The following WDR70 variants were observed in gnomAD, a reference collection of about 807,000 sequenced individuals.
The protein encoded by WDR70 is WD repeat-containing protein 70.
WDR70 carries 53 observed loss-of-function variants against 88.6 expected under a neutral mutation model. That is an observed-to-expected ratio of 0.60 (90% CI 0.48 to 0.75). WDR70 has a LOEUF of 0.75. Among genes scored for constraint, WDR70 ranks in the 30% least tolerant of loss-of-function variants. The pLI, the probability that WDR70 is intolerant of heterozygous loss-of-function variation, is 0.00. For synonymous variants in WDR70, 280 were observed against 270.0 expected (o/e 1.04, Z -0.36); for missense variants, 610 against 823.2 (o/e 0.74, Z 3.17).
At chr5:37,625,509 T>G (rs1383632108) in intron 10 of WDR70, among the ~76,000 whole-genome samples, 1 of 152,010 alleles carries the variant, frequency 6.6e-6, no homozygotes, top group Non-Finnish European at 1.5e-5. Context: ...TTTGCCCATA[T>G]TTTTTGTTGT....
intron 8 of WDR70, among the ~76,000 whole-genome samples, chr5:37,484,499 G>C (rs567822073): frequency 6.6e-6 from 1 of 152,296 alleles, no homozygotes; most frequent in Admixed American, 6.5e-5. Flanking sequence ...AGCCGAGATG[G>C]CAGCAGTACA....
At chr5:37,451,959 A>G (rs1290060729) in intron 7 of WDR70, among the ~76,000 whole-genome samples, 1 of 152,090 alleles carries the variant, frequency 6.6e-6, no homozygotes, top group Non-Finnish European at 1.5e-5. Flanking sequence ...GCGCCACTAC[A>G]CTCCAGCCTG....
At chr5:37,657,115 C>T (rs1745576373) in intron 10 of WDR70, among the ~76,000 whole-genome samples, 1 of 152,100 alleles carries the variant, frequency 6.6e-6, no homozygotes, top group Admixed American at 6.5e-5. Context: ...AAACTTAGGG[C>T]CCTGGTGTTG....
chr5:37,668,665 A>T (rs549243196), intron 10 of WDR70, among the ~76,000 whole-genome samples: 5 of 152,342 alleles, frequency 3.3e-5, no homozygotes, highest in African/African-American at 1.2e-4. Context: ...GTGGCATCAT[A>T]TTCTGCCTGT....
At chr5:37,394,088 C>T (rs951370429) in intron 4 of WDR70, among the ~76,000 whole-genome samples, 8 of 151,968 alleles carry the variant, frequency 5.3e-5, no homozygotes, top group African/African-American at 1.4e-4. Context: ...GGGTGGATCA[C>T]GAGGTCAGGA....
chr5:37,509,100 G>A (rs1463153364), intron 8 of WDR70, among the ~76,000 whole-genome samples: 1 of 151,922 alleles, frequency 6.6e-6, no homozygotes, highest in Non-Finnish European at 1.5e-5. Context: ...GGTAATTTGT[G>A]TCTTCTCTCT....
chr5:37,431,575 CAT>C (rs1750304398), intron 5 of WDR70, among the ~76,000 whole-genome samples: 1 of 152,270 alleles, frequency 6.6e-6, no homozygotes, highest in Admixed American at 6.5e-5. Flanking sequence ...AAACACATAA[CAT>C]AAAGTTTACC....
chr5:37,465,383 G>A (rs994838092), intron 7 of WDR70, among the ~76,000 whole-genome samples: 1 of 152,104 alleles, frequency 6.6e-6, no homozygotes, highest in Non-Finnish European at 1.5e-5. Flanking sequence ...AATTTTCTTG[G>A]CCATTGAAAT....
intron 8 of WDR70, among the ~76,000 whole-genome samples, chr5:37,493,872 G>T (rs897798924): frequency 6.7e-6 from 1 of 149,070 alleles, no homozygotes; most frequent in Non-Finnish European, 1.5e-5. Flanking sequence ...ACTCTGTCGC[G>T]CAGTGGCGTG....
intron 8 of WDR70, among the ~76,000 whole-genome samples, chr5:37,514,412 G>A (rs1051574494): frequency 1.7e-5 from 2 of 119,510 alleles, no homozygotes; most frequent in African/African-American, 5.8e-5. Context: ...AAGTTCTAGG[G>A]TGCATGTGCA....
Position 37,508,068 on chromosome 5 carries a change from A to T in WDR70, c.841-8446A>T, listed in dbSNP as rs574446430. ...GCTTAAAACCTGACATTTAGAGAAA[A>T]TATTTGGTCTTTTACCATTAAATAG... is the stretch of plus-strand genomic sequence containing the variant. On this transcript the variant is annotated intron_variant, in intron 8 of 17. Transcript: ENST00000265107. 3.1e-3 allele frequency among the ~76,000 whole-genome samples: 472 copies of T among 152,234 alleles called. 2 individuals carry two copies. Among genetic ancestry groups the T allele is most frequent in the Non-Finnish European group, 5.2e-3 (353 of 68,010 alleles).
intron 3 of WDR70, among the ~76,000 whole-genome samples, chr5:37,390,795 C>T (rs1748795086): frequency 6.6e-6 from 1 of 150,826 alleles, no homozygotes; most frequent in Admixed American, 6.6e-5. Context: ...TGGCTCACCA[C>T]AACCTCCACC....
At chr5:37,440,218 C>T (rs6451318) in intron 6 of WDR70, among the ~76,000 whole-genome samples, 131,393 of 152,150 alleles carry the variant, frequency 0.86, 59,949 homozygotes, top group East Asian at 1. Flanking sequence ...TAATAGTCAA[C>T]TGAACCCTTC....
At chr5:37,715,723 C>T (rs1463361855) in intron 13 of WDR70, among the ~76,000 whole-genome samples, 3 of 152,220 alleles carry the variant, frequency 2.0e-5, no homozygotes, top group Non-Finnish European at 4.4e-5. Context: ...ATTTTACTCT[C>T]ATACTTCCCT....
At chr5:37,434,665 T>C (rs970313107) in intron 5 of WDR70, among the ~76,000 whole-genome samples, 1 of 152,208 alleles carries the variant, frequency 6.6e-6, no homozygotes, top group African/African-American at 2.4e-5. Flanking sequence ...ATTGCTCATA[T>C]TATTTTAGAT....
intron 9 of WDR70, among the ~76,000 whole-genome samples, chr5:37,528,564 C>T (rs1032946863): frequency 3.0e-4 from 46 of 152,070 alleles, no homozygotes; most frequent in Middle Eastern, 3.4e-3. Context: ...ACCAACATGG[C>T]ACATGTAAAC....
At chr5:37,563,311 C>CT (rs1742591192) in intron 9 of WDR70, among the ~76,000 whole-genome samples, 2 of 62,152 alleles carry the variant, frequency 3.2e-5, no homozygotes, top group Non-Finnish European at 7.7e-5. Flanking sequence ...GGCTGGCCCC[C>CT]CACCTCCCTC....
intron 9 of WDR70, among the ~76,000 whole-genome samples, chr5:37,560,528 A>C (rs1324628612): frequency 2.0e-5 from 3 of 152,148 alleles, no homozygotes; most frequent in Non-Finnish European, 4.4e-5. Context: ...CAAATATTTA[A>C]ATTATATACA....
At chr5:37,710,749 T>G (rs1747487685) in intron 13 of WDR70, among the ~76,000 whole-genome samples, 1 of 152,184 alleles carries the variant, frequency 6.6e-6, no homozygotes, top group Non-Finnish European at 1.5e-5. Context: ...GTTGGACTGA[T>G]CCCGTCTTTA....
Sources: gnomAD v4.1 joint callset for allele counts (sites outside exome capture counted in the v4.1 genomes callset) on GRCh38, gnomAD v4.1.1 for gene constraint, MANE v1.5 for transcripts, NCBI Gene and HGNC (gene_info 2026-07-23, HGNC 2026-07-21) for gene names.